The following CDK6 variants were observed in gnomAD, a reference collection of about 807,000 sequenced individuals.
CDK6 encodes the protein cyclin-dependent kinase 6.
A neutral mutation model predicts 37.1 loss-of-function variants in CDK6; 6 were observed. That is an observed-to-expected ratio of 0.16 (90% CI 0.09 to 0.32). The LOEUF (loss-of-function observed/expected upper bound fraction) is 0.32, where lower values mean the gene tolerates loss of function less well. Among genes scored for constraint, CDK6 ranks in the 10% least tolerant of loss-of-function variants. The pLI is 1.00. For synonymous variants in CDK6, 160 were observed against 161.3 expected (o/e 0.99, Z 0.06); for missense variants, 224 against 418.9 (o/e 0.53, Z 4.06).
At chr7:92,808,615 G>A (rs968533770) in intron 2 of CDK6, among the ~76,000 whole-genome samples, 37 of 152,272 alleles carry the variant, frequency 2.4e-4, no homozygotes, top group Non-Finnish European at 4.7e-4. Flanking sequence ...CATCAATGGA[G>A]TTAAATCCAA....
rs773622757 is a variant in CDK6, at chr7:92,671,524, C to T, written c.549G>A (p.Leu183=). Residue 183 remains leucine (L), a synonymous_variant, in exon 5 of 8, where the codon CTG becomes CTA. Transcript: ENST00000424848. ...QMALTSVVVT[L]WYRAPEVLLQ... is the part of the protein sequence containing the mutation. ...GCAAGACTTCGGGTGCTCTGTACCA[C>T]AGCGTGACGACCTGCAATGGCAAGC... 17 of 1,566,146 alleles carry T rather than the reference C, an allele frequency of 1.1e-5. No homozygotes were observed. The highest frequency in any genetic ancestry group is 1.5e-5 in the Non-Finnish European group (17 of 1,156,820).
chr7:92,705,704 G>T (rs1290978191), intron 4 of CDK6, among the ~76,000 whole-genome samples: 2 of 152,120 alleles, frequency 1.3e-5, no homozygotes, highest in Admixed American at 6.5e-5. Flanking sequence ...AAAAGCCAGG[G>T]TACGTTTTCT....
intron 5 of CDK6, among the ~76,000 whole-genome samples, chr7:92,633,331 T>A (rs10238365): frequency 0.059 from 8,927 of 152,124 alleles, 942 homozygotes; most frequent in African/African-American, 0.21. Flanking sequence ...CCTCAGAAAT[T>A]TCACAGACAA....
chr7:92,645,476 A>G (rs1410711825), intron 5 of CDK6, among the ~76,000 whole-genome samples: 1 of 152,242 alleles, frequency 6.6e-6, no homozygotes, highest in Non-Finnish European at 1.5e-5. Flanking sequence ...TGCTGAGTGC[A>G]CATGATAATA....
intron 3 of CDK6, among the ~76,000 whole-genome samples, chr7:92,752,395 C>G (rs902741889): frequency 1.8e-4 from 28 of 152,228 alleles, no homozygotes; most frequent in African/African-American, 5.5e-4. Flanking sequence ...AGACAGAACT[C>G]TGAGAGTAAA....
At chr7:92,680,346 C>T (rs754982497) in intron 4 of CDK6, among the ~76,000 whole-genome samples, 12 of 140,214 alleles carry the variant, frequency 8.6e-5, no homozygotes, top group South Asian at 7.2e-4. Flanking sequence ...GCAGGAGAAT[C>T]GCTGGAACTC....
chr7:92,809,771 A>G (rs1800824639), intron 2 of CDK6, among the ~76,000 whole-genome samples: 1 of 152,242 alleles, frequency 6.6e-6, no homozygotes, highest in Admixed American at 6.5e-5. Context: ...GAAAGACTGC[A>G]AATTTTTGAT....
At chr7:92,712,956 T>C (rs1024707616) in intron 4 of CDK6, among the ~76,000 whole-genome samples, 1 of 152,080 alleles carries the variant, frequency 6.6e-6, no homozygotes, top group African/African-American at 2.4e-5. Flanking sequence ...CTCCGCCTCC[T>C]GGGTTCAAGC....
chr7:92,789,077 G>A (rs1800217266), intron 2 of CDK6, among the ~76,000 whole-genome samples: 1 of 152,092 alleles, frequency 6.6e-6, no homozygotes, highest in Non-Finnish European at 1.5e-5. Context: ...AGTGAACTAT[G>A]ACTGCACCAC....
chr7:92,670,740 G>A (rs1797054684), intron 5 of CDK6, among the ~76,000 whole-genome samples: 2 of 152,222 alleles, frequency 1.3e-5, no homozygotes, highest in African/African-American at 4.8e-5. Context: ...TCACCAATGT[G>A]TGGAGGTCCA....
At position 92,835,709 on chromosome 7, in the gene CDK6, CAA is replaced by C. The variant is rs991992314; in HGVS notation, c.-368+767_-368+768del. ...ACAAGGGTCGCCACCAGCACAGCGA[CAA>C]GAGGCCACACCGGGGACCGCGACTC... On this transcript the variant is annotated intron_variant, in intron 1 of 7. Coordinates refer to ENST00000424848, the MANE Select transcript of CDK6 (RefSeq NM_001145306.2). The surrounding 1 kb of genome is among the most constrained non-coding windows in gnomAD (Gnocchi z 4.2). 6.6e-6 allele frequency among the ~76,000 whole-genome samples: 1 copy of C among 152,224 alleles called. No individual in the cohort carries two copies. The highest frequency in any genetic ancestry group is 1.5e-5 in the Non-Finnish European group (1 of 68,038).
intron 5 of CDK6, among the ~76,000 whole-genome samples, chr7:92,629,326 T>C (rs1296527032): frequency 1.3e-5 from 2 of 152,224 alleles, no homozygotes; most frequent in East Asian, 3.9e-4. Context: ...AATTTTTCCT[T>C]GTTACCGATG....
At chr7:92,694,043 T>A (rs1797654557) in intron 4 of CDK6, among the ~76,000 whole-genome samples, 1 of 152,200 alleles carries the variant, frequency 6.6e-6, no homozygotes, top group Admixed American at 6.5e-5. Context: ...ATTAGTCTCA[T>A]CTTTAGTCAT....
At chr7:92,688,255 T>G (rs1414687102) in intron 4 of CDK6, among the ~76,000 whole-genome samples, 1 of 152,166 alleles carries the variant, frequency 6.6e-6, no homozygotes, top group Admixed American at 6.5e-5. Flanking sequence ...TGGCCAACAG[T>G]TGATATTCCC....
At chr7:92,635,201 T>C (rs1489813426) in intron 5 of CDK6, among the ~76,000 whole-genome samples, 1 of 152,178 alleles carries the variant, frequency 6.6e-6, no homozygotes, top group East Asian at 1.9e-4. Context: ...CCTAGCTCCC[T>C]AAAACACTTA....
At chr7:92,697,545 G>T (rs77421058) in intron 4 of CDK6, among the ~76,000 whole-genome samples, 1 of 152,298 alleles carries the variant, frequency 6.6e-6, no homozygotes, top group East Asian at 1.9e-4. Context: ...ACTTGTCAGA[G>T]ATACAATCCA....
intron 4 of CDK6, among the ~76,000 whole-genome samples, chr7:92,698,056 T>A (rs1797760806): frequency 6.6e-6 from 1 of 152,108 alleles, no homozygotes; most frequent in Admixed American, 6.6e-5. Flanking sequence ...CATAAATGAA[T>A]CTTGTCTTAA....
chr7:92,698,056 T>C (rs1797760806), intron 4 of CDK6, among the ~76,000 whole-genome samples: 2 of 152,108 alleles, frequency 1.3e-5, no homozygotes, highest in Non-Finnish European at 2.9e-5. Context: ...CATAAATGAA[T>C]CTTGTCTTAA....
rs1416154604 is a variant in CDK6, at chr7:92,611,896, A to C, written c.*3244T>G. The stretch of plus-strand genomic sequence containing the variant: ...TGCTTCCTGAGAGAAAATCATGAGA[A>C]TACAGGGGGCTGAAATGGCCCCAAG... On this transcript the variant is annotated 3_prime_UTR_variant, in exon 8 of 8. Coordinates refer to ENST00000424848, the MANE Select transcript of CDK6 (RefSeq NM_001145306.2). The C allele has an allele frequency of 8.6e-6, 2 of 232,528 alleles. No homozygotes were observed. Among genetic ancestry groups the C allele is most frequent in the Non-Finnish European group, 1.7e-5 (2 of 117,678 alleles). 14.4% of individuals were successfully genotyped at this position (232,528 alleles called of 1,614,324 possible).
Sources: allele counts gnomAD v4.1 joint callset (sites outside exome capture counted in the v4.1 genomes callset), GRCh38; gene constraint gnomAD v4.1.1; non-coding constraint Gnocchi (gnomAD v3.1); transcripts MANE v1.5; gene names NCBI Gene and HGNC (gene_info 2026-07-23, HGNC 2026-07-21).